The following CSMD1 variants were observed in gnomAD, a reference collection of about 807,000 sequenced individuals.
CSMD1 encodes the protein CUB and Sushi multiple domains 1.
In CSMD1, 213 loss-of-function variants were observed where a neutral mutation model predicts 417.5. The ratio of observed to expected loss-of-function variants is 0.51; its 90% CI spans 0.46 to 0.57. CSMD1 has a LOEUF of 0.57. Among genes scored for constraint, CSMD1 ranks in the 20% least tolerant of loss-of-function variants. The probability of loss-of-function intolerance (pLI) is 0.00; values close to 1 mark genes in which losing one functional copy is unlikely to be tolerated. For synonymous variants in CSMD1, 2,862 were observed against 1,736.8 expected (o/e 1.65, Z -16.11); for missense variants, 6,923 against 4,529.7 (o/e 1.53, Z -15.17).
At chr8:3,952,349 C>A (rs897793332) in intron 5 of CSMD1, among the ~76,000 whole-genome samples, 1 of 152,178 alleles carries the variant, frequency 6.6e-6, no homozygotes, top group Non-Finnish European at 1.5e-5. Context: ...ATTCAACCAT[C>A]TTCTGTTGAA....
At chr8:4,610,052 C>G (rs925492540) in intron 2 of CSMD1, among the ~76,000 whole-genome samples, 1 of 151,862 alleles carries the variant, frequency 6.6e-6, no homozygotes, top group Admixed American at 6.6e-5. Flanking sequence ...AATTAGATAT[C>G]ATTTCATCCA....
At chr8:4,163,145 T>C (rs1262093754) in intron 3 of CSMD1, among the ~76,000 whole-genome samples, 1 of 152,240 alleles carries the variant, frequency 6.6e-6, no homozygotes, top group Admixed American at 6.5e-5. Flanking sequence ...CGAAGTACAC[T>C]TTGGTTGCTT....
intron 54 of CSMD1, among the ~76,000 whole-genome samples, chr8:2,996,456 G>A (rs150723285): frequency 3.9e-5 from 6 of 152,310 alleles, no homozygotes; most frequent in Admixed American, 1.3e-4. Flanking sequence ...GCTAATGCAC[G>A]CACACACGAT....
At chr8:4,006,109 C>T (rs769396811) in intron 4 of CSMD1, among the ~76,000 whole-genome samples, 7 of 152,102 alleles carry the variant, frequency 4.6e-5, no homozygotes, top group Admixed American at 1.3e-4. Flanking sequence ...GCACCATGTC[C>T]GAGGAGACTT....
At chr8:4,703,232 C>T (rs1471419) in intron 1 of CSMD1, among the ~76,000 whole-genome samples, 120,346 of 152,188 alleles carry the variant, frequency 0.79, 48,225 homozygotes, top group South Asian at 0.88. Flanking sequence ...TGTAAACCAA[C>T]GGTTCTCAAC....
chr8:3,543,898 T>C (rs1008958695), intron 10 of CSMD1, among the ~76,000 whole-genome samples: 1 of 152,120 alleles, frequency 6.6e-6, no homozygotes, highest in Non-Finnish European at 1.5e-5. Flanking sequence ...AATGAGGATG[T>C]GGAGGACCCT....
At chr8:4,941,752 T>G (rs751022092) in intron 1 of CSMD1, among the ~76,000 whole-genome samples, 1 of 152,034 alleles carries the variant, frequency 6.6e-6, no homozygotes. Context: ...GCATGTGCCA[T>G]TATGCCCGAC....
chr8:4,624,501 G>A (rs1160821342), intron 2 of CSMD1, among the ~76,000 whole-genome samples: 2 of 152,118 alleles, frequency 1.3e-5, no homozygotes, highest in Admixed American at 6.6e-5. Context: ...TGCAAGCGCT[G>A]CTACACAGGT....
chr8:4,992,710 G>C (rs1452991211), intron 1 of CSMD1, among the ~76,000 whole-genome samples: 2 of 152,216 alleles, frequency 1.3e-5, no homozygotes, highest in Non-Finnish European at 2.9e-5. Context: ...CTGCCAGTCG[G>C]GCCCTGCTCA....
At chr8:4,500,547 G>C (rs921527236) in intron 2 of CSMD1, among the ~76,000 whole-genome samples, 1 of 152,066 alleles carries the variant, frequency 6.6e-6, no homozygotes. Flanking sequence ...AGTTTATCTT[G>C]GGTGCCACAG....
chr8:2,943,752 C>A (rs1319043969), intron 68 of CSMD1, among the ~76,000 whole-genome samples: 2 of 152,128 alleles, frequency 1.3e-5, no homozygotes, highest in African/African-American at 4.8e-5. Flanking sequence ...ATGGATTTGG[C>A]CTAATTGCAT....
At chr8:4,824,940 C>G (rs1799738001) in intron 1 of CSMD1, among the ~76,000 whole-genome samples, 1 of 152,088 alleles carries the variant, frequency 6.6e-6, no homozygotes, top group Admixed American at 6.6e-5. Flanking sequence ...CAAGACATTT[C>G]TCGGGAATCA....
At chr8:3,651,951 A>G (rs1244119595) in intron 7 of CSMD1, among the ~76,000 whole-genome samples, 1 of 151,238 alleles carries the variant, frequency 6.6e-6, no homozygotes, top group Non-Finnish European at 1.5e-5. Context: ...GCCTACCACC[A>G]TCAGAGCGCC....
intron 3 of CSMD1, among the ~76,000 whole-genome samples, chr8:4,160,937 T>A (rs895056589): frequency 2.6e-5 from 4 of 152,230 alleles, no homozygotes; most frequent in Admixed American, 6.5e-5. Flanking sequence ...GGCCACTGCA[T>A]ACCTCATCAG....
rs531754767 is a variant in CSMD1 at position 3,860,744 on chromosome 8, A to G, written c.819-106702T>C. On this transcript the variant is annotated intron_variant, in intron 5 of 69. Transcript: ENST00000635120. Reference sequence around the variant, plus strand: ...CGCTAATAGCAAAGTCCACATTTTGAACCCAGGTAAGTTTGAAGGGAGAGA... The same window carrying G: ...CGCTAATAGCAAAGTCCACATTTTGGACCCAGGTAAGTTTGAAGGGAGAGA... Among the ~76,000 whole-genome samples the G allele has an allele frequency of 2.0e-5, 3 of 152,276 alleles. No individual in the cohort carries two copies. In the South Asian group the frequency reaches 6.2e-4, roughly 32 times the overall value.
chr8:4,665,443 G>T (rs957927564), intron 1 of CSMD1, among the ~76,000 whole-genome samples: 4 of 152,178 alleles, frequency 2.6e-5, no homozygotes, highest in African/African-American at 7.2e-5. Flanking sequence ...AACCATGAGA[G>T]ATTCAAACTC....
chr8:3,241,219 A>C (rs997309766), intron 26 of CSMD1, among the ~76,000 whole-genome samples: 1 of 151,188 alleles, frequency 6.6e-6, no homozygotes, highest in Non-Finnish European at 1.5e-5. Flanking sequence ...GGGGATAACT[A>C]AAAAGGAGTG....
At chr8:4,914,253 C>T (rs1324690403) in intron 1 of CSMD1, among the ~76,000 whole-genome samples, 1 of 152,080 alleles carries the variant, frequency 6.6e-6, no homozygotes, top group East Asian at 1.9e-4. Flanking sequence ...AGTGAGTGTG[C>T]AGAGGAAATA....
At chr8:3,971,016 A>G (rs571667640) in intron 5 of CSMD1, among the ~76,000 whole-genome samples, 2 of 152,254 alleles carry the variant, frequency 1.3e-5, no homozygotes, top group South Asian at 2.1e-4. Flanking sequence ...CTCCCAAAGT[A>G]CTGGGATTTT....
Sources: allele counts gnomAD v4.1 joint callset (sites outside exome capture counted in the v4.1 genomes callset), GRCh38; gene constraint gnomAD v4.1.1; transcripts MANE v1.5; gene names NCBI Gene and HGNC (gene_info 2026-07-23, HGNC 2026-07-21).